Variants in LRP1B observed in about 807,000 individuals in gnomAD.
The protein encoded by LRP1B is LDL receptor related protein 1B.
Under a neutral mutation model 556.6 loss-of-function variants are expected in LRP1B, and 217 were observed. The ratio of observed to expected loss-of-function variants is 0.39; its 90% CI spans 0.35 to 0.44. The LOEUF (loss-of-function observed/expected upper bound fraction) is 0.44. LRP1B is among the 20% of genes least tolerant of loss of function. The probability of loss-of-function intolerance (pLI) is 1.00; values close to 1 mark genes in which losing one functional copy is unlikely to be tolerated. For synonymous variants in LRP1B, 2,047 were observed against 1,865.8 expected (o/e 1.10, Z -2.50); for missense variants, 5,053 against 5,620.8 (o/e 0.90, Z 3.23).
intron 3 of LRP1B, among the ~76,000 whole-genome samples, chr2:141,396,199 A>T (rs982502256): frequency 1.3e-5 from 2 of 152,230 alleles, no homozygotes; most frequent in African/African-American, 4.8e-5. Flanking sequence ...CAATATATGA[A>T]GTTAGGGCCA....
At chr2:142,052,879 T>C (rs1704514197) in intron 1 of LRP1B, among the ~76,000 whole-genome samples, 1 of 152,190 alleles carries the variant, frequency 6.6e-6, no homozygotes, top group African/African-American at 2.4e-5. Context: ...GGGGTAGTGC[T>C]AATTGATTTT....
At chr2:141,241,154 A>C (rs1011833212) in intron 5 of LRP1B, among the ~76,000 whole-genome samples, 7 of 152,136 alleles carry the variant, frequency 4.6e-5, no homozygotes, top group African/African-American at 1.7e-4. Context: ...TAAAAATTCC[A>C]TCAGAAATCC....
intron 2 of LRP1B, among the ~76,000 whole-genome samples, chr2:141,652,730 A>G (rs1413816310): frequency 2.0e-5 from 3 of 152,174 alleles, no homozygotes; most frequent in South Asian, 2.1e-4. Context: ...GATTTTTTTG[A>G]AATCATAACA....
intron 7 of LRP1B, among the ~76,000 whole-genome samples, chr2:141,074,390 C>T (rs1457796013): frequency 6.6e-6 from 1 of 151,990 alleles, no homozygotes; most frequent in Non-Finnish European, 1.5e-5. Flanking sequence ...TTCTGTACTT[C>T]TATAACACTG....
chr2:141,229,827 G>A (rs1683391430), intron 5 of LRP1B, among the ~76,000 whole-genome samples: 1 of 151,974 alleles, frequency 6.6e-6, no homozygotes, highest in African/African-American at 2.4e-5. Context: ...TTTTTGAGTC[G>A]AATGTATGAG....
intron 2 of LRP1B, among the ~76,000 whole-genome samples, chr2:141,504,254 A>T (rs1683836173): frequency 6.6e-6 from 1 of 152,136 alleles, no homozygotes; most frequent in Non-Finnish European, 1.5e-5. Context: ...CAAGGGCAGG[A>T]TGATGTCTTA....
intron 32 of LRP1B, among the ~76,000 whole-genome samples, chr2:140,778,446 C>T (rs548803579): frequency 6.6e-6 from 1 of 152,056 alleles, no homozygotes; most frequent in Non-Finnish European, 1.5e-5. Flanking sequence ...CTTCCTAATA[C>T]CTAAAAATTT....
At chr2:140,782,854 G>A (rs557065215) in intron 32 of LRP1B, among the ~76,000 whole-genome samples, 11 of 152,096 alleles carry the variant, frequency 7.2e-5, no homozygotes, top group Admixed American at 1.3e-4. Flanking sequence ...TCATAAAAGC[G>A]ATATGATGTG....
At chr2:141,000,012 C>T (rs79017740) in intron 15 of LRP1B, among the ~76,000 whole-genome samples, 1 of 152,088 alleles carries the variant, frequency 6.6e-6, no homozygotes, top group East Asian at 1.9e-4. Context: ...ACCTCCTAGG[C>T]TCAAGAGAGC....
At chr2:141,754,443 T>G (rs1024666195) in intron 2 of LRP1B, among the ~76,000 whole-genome samples, 1 of 152,204 alleles carries the variant, frequency 6.6e-6, no homozygotes, top group Non-Finnish European at 1.5e-5. Flanking sequence ...GATTGATATC[T>G]AGACAAGTAG....
intron 3 of LRP1B, among the ~76,000 whole-genome samples, chr2:141,437,186 A>T (rs954416471): frequency 4.6e-5 from 7 of 152,100 alleles, no homozygotes; most frequent in Non-Finnish European, 8.8e-5. Flanking sequence ...CAATAGAAGA[A>T]AATTATTAAT....
chr2:140,664,542 T>C lies in LRP1B; in HGVS notation c.6799+35708A>G, dbSNP rs186573083. Among the ~76,000 whole-genome samples the C allele has an allele frequency of 4.6e-5, 7 of 152,290 alleles. No individual in the cohort carries two copies. In the East Asian group the frequency reaches 1.3e-3, roughly 29 times the overall value. ...TTTTAAAATAGGAAAGCATCTTTTA[T>C]AAAGTTTAATATCATTCTGATGGTA... On this transcript the variant is annotated intron_variant, in intron 41 of 90. Coordinates refer to ENST00000389484, the MANE Select transcript of LRP1B (RefSeq NM_018557.3).
At chr2:141,543,746 A>AC (rs896216175) in intron 2 of LRP1B, among the ~76,000 whole-genome samples, 2 of 151,678 alleles carry the variant, frequency 1.3e-5, no homozygotes, top group Non-Finnish European at 2.9e-5. Flanking sequence ...AGAAAAAAAA[A>AC]ACAAATACAC....
intron 3 of LRP1B, among the ~76,000 whole-genome samples, chr2:141,332,181 G>A (rs1687679723): frequency 6.6e-6 from 1 of 151,528 alleles, no homozygotes; most frequent in Non-Finnish European, 1.5e-5. Flanking sequence ...ATGCAACTAT[G>A]TCTACCTATT....
intron 41 of LRP1B, among the ~76,000 whole-genome samples, chr2:140,679,927 T>A (rs1160094651): frequency 6.6e-6 from 1 of 151,902 alleles, no homozygotes; most frequent in Non-Finnish European, 1.5e-5. Flanking sequence ...ACTTTTTATT[T>A]AATTTACTTA....
chr2:141,270,421 C>A (rs1685045922), intron 3 of LRP1B, among the ~76,000 whole-genome samples: 1 of 151,648 alleles, frequency 6.6e-6, no homozygotes, highest in African/African-American at 2.4e-5. Context: ...ATACACTATT[C>A]CACTTCTGGG....
chr2:142,107,144 G>A (rs1048488132), intron 1 of LRP1B, among the ~76,000 whole-genome samples: 3 of 152,028 alleles, frequency 2.0e-5, no homozygotes, highest in African/African-American at 7.2e-5. Context: ...TTAAAAACAA[G>A]TTCTATTTAT....
intron 66 of LRP1B, among the ~76,000 whole-genome samples, chr2:140,439,338 T>C (rs2105296325): frequency 6.6e-6 from 1 of 152,320 alleles, no homozygotes; most frequent in Non-Finnish European, 1.5e-5. Flanking sequence ...AATATAACTG[T>C]ATTTATGTAC....
chr2:141,376,955 C>T (rs751968272), intron 3 of LRP1B, among the ~76,000 whole-genome samples: 37 of 152,000 alleles, frequency 2.4e-4, no homozygotes, highest in Non-Finnish European at 3.7e-4. Context: ...GTACCTCAAC[C>T]GCTTTATTTA....
Sources: allele counts gnomAD v4.1 joint callset (sites outside exome capture counted in the v4.1 genomes callset), GRCh38; gene constraint gnomAD v4.1.1; transcripts MANE v1.5; gene names NCBI Gene and HGNC (gene_info 2026-07-23, HGNC 2026-07-21).